Variants in PTPRD observed in about 807,000 individuals in gnomAD.
PTPRD encodes receptor-type tyrosine-protein phosphatase delta.
A neutral mutation model predicts 214.5 loss-of-function variants in PTPRD; 34 were observed. The ratio of observed to expected loss-of-function variants is 0.16; its 90% CI spans 0.12 to 0.21. The LOEUF (loss-of-function observed/expected upper bound fraction) is 0.21. Among genes scored for constraint, PTPRD ranks in the 10% least tolerant of loss-of-function variants. PTPRD has a pLI of 1.00. For synonymous variants in PTPRD, 1,128 were observed against 845.7 expected, an observed-to-expected ratio of 1.33 and a Z score of -5.79; for missense variants, 2,545 against 2,398.7, an observed-to-expected ratio of 1.06 and a Z score of -1.27.
At chr9:10,154,480 G>C (rs773156113) in intron 3 of PTPRD, among the ~76,000 whole-genome samples, 2 of 152,050 alleles carry the variant, frequency 1.3e-5, no homozygotes, top group Non-Finnish European at 2.9e-5. Flanking sequence ...GCTCTCATTT[G>C]TCAATTTTTG....
intron 11 of PTPRD, among the ~76,000 whole-genome samples, chr9:8,910,167 T>A (rs1383915873): frequency 6.6e-6 from 1 of 151,672 alleles, no homozygotes; most frequent in African/African-American, 2.4e-5. Context: ...GCCTCCCGAG[T>A]AGCTGGGACT....
At chr9:8,754,926 C>T (rs1372651421) in intron 11 of PTPRD, among the ~76,000 whole-genome samples, 1 of 151,944 alleles carries the variant, frequency 6.6e-6, no homozygotes, top group Non-Finnish European at 1.5e-5. Context: ...AAAGAGATAA[C>T]CCAGATGGTC....
intron 5 of PTPRD, among the ~76,000 whole-genome samples, chr9:9,778,384 G>T (rs914219988): frequency 5.9e-5 from 9 of 152,154 alleles, no homozygotes; most frequent in Admixed American, 2.6e-4. Context: ...TGGGGAAAAG[G>T]CAGAGACAGG....
At chr9:9,936,197 G>C (rs1181543736) in intron 5 of PTPRD, among the ~76,000 whole-genome samples, 5 of 148,664 alleles carry the variant, frequency 3.4e-5, no homozygotes, top group African/African-American at 7.6e-5. Context: ...AACACCAAAA[G>C]CAATGGCAAC....
chr9:8,497,155 G>A, intron 26 of PTPRD, 87 bp downstream of exon 26: 1 of 1,180,346 alleles, frequency 8.5e-7, no homozygotes, highest in African/African-American at 1.6e-5. Flanking sequence ...AGCAAACTGT[G>A]ATGACAGATC....
chr9:9,226,255 A>G (rs566967238), intron 9 of PTPRD, among the ~76,000 whole-genome samples: 10 of 151,880 alleles, frequency 6.6e-5, no homozygotes, highest in African/African-American at 2.4e-4. Flanking sequence ...TCTCTGTGCA[A>G]AGGGCAAGAC....
intron 3 of PTPRD, among the ~76,000 whole-genome samples, chr9:10,221,785 G>GTTT (rs148340533): frequency 3.4e-5 from 5 of 148,208 alleles, no homozygotes; most frequent in African/African-American, 1.2e-4. Context: ...CTAAAAAACT[G>GTTT]TTTTTTTTTT....
intron 9 of PTPRD, among the ~76,000 whole-genome samples, chr9:9,377,810 C>A (rs1466875897): frequency 6.6e-6 from 1 of 151,964 alleles, no homozygotes; most frequent in African/African-American, 2.4e-5. Flanking sequence ...AGTTGAGACA[C>A]GGCAGGGTCA....
intron 5 of PTPRD, among the ~76,000 whole-genome samples, chr9:9,830,836 C>T (rs1269950029): frequency 6.6e-6 from 1 of 151,864 alleles, no homozygotes. Flanking sequence ...GCCTTGTTTT[C>T]AAAATCTATC....
chr9:8,876,945 T>TTTA (rs2098398125), intron 11 of PTPRD, among the ~76,000 whole-genome samples: 1 of 151,962 alleles, frequency 6.6e-6, no homozygotes, highest in Non-Finnish European at 1.5e-5. Flanking sequence ...TATTTTTTTT[T>TTTA]GAGAGGAAGT....
At chr9:8,922,004 C>T (rs371804574) in intron 11 of PTPRD, among the ~76,000 whole-genome samples, 1 of 152,176 alleles carries the variant, frequency 6.6e-6, no homozygotes, top group Non-Finnish European at 1.5e-5. Context: ...ATCCCAGTCT[C>T]TCTTCACAAA....
intron 7 of PTPRD, among the ~76,000 whole-genome samples, chr9:9,622,697 T>C (rs2095286450): frequency 6.6e-6 from 1 of 152,330 alleles, no homozygotes; most frequent in African/African-American, 2.4e-5. Context: ...ATATTTATAA[T>C]GTTAAAATAA....
At chr9:8,480,669 T>C (rs925275865) in intron 30 of PTPRD, among the ~76,000 whole-genome samples, 8 of 152,186 alleles carry the variant, frequency 5.3e-5, no homozygotes, top group Admixed American at 6.5e-5. Flanking sequence ...TTCTTACATA[T>C]CAATTATATT....
chr9:10,533,452 G>C (rs1458573326), intron 2 of PTPRD, among the ~76,000 whole-genome samples: 2 of 152,012 alleles, frequency 1.3e-5, no homozygotes, highest in African/African-American at 4.8e-5. Flanking sequence ...TACAATCATA[G>C]AGTGGGTATA....
intron 30 of PTPRD, among the ~76,000 whole-genome samples, chr9:8,474,277 C>G (rs1457484985): frequency 6.6e-6 from 1 of 152,146 alleles, no homozygotes; most frequent in Non-Finnish European, 1.5e-5. Context: ...AGTACCTCCC[C>G]CAGCATCTCC....
At chr9:9,197,317 C>T (rs112768506) in intron 9 of PTPRD, among the ~76,000 whole-genome samples, 32 of 152,284 alleles carry the variant, frequency 2.1e-4, no homozygotes, top group South Asian at 4.1e-4. Flanking sequence ...TGTTCTCCTA[C>T]GCTGCAGTGA....
chr9:9,319,742 T>C (rs1231966845), intron 9 of PTPRD, among the ~76,000 whole-genome samples: 1 of 152,130 alleles, frequency 6.6e-6, no homozygotes, highest in African/African-American at 2.4e-5. Flanking sequence ...ATCAAAAGTT[T>C]CTTTAAAATT....
intron 4 of PTPRD, among the ~76,000 whole-genome samples, chr9:9,978,807 A>G (rs572568951): frequency 2.4e-4 from 36 of 152,088 alleles, no homozygotes; most frequent in Non-Finnish European, 4.4e-4. Context: ...CGAAGAGTAC[A>G]GGTACACACT....
intron 39 of PTPRD, among the ~76,000 whole-genome samples, chr9:8,350,950 A>G (rs1191852928): frequency 1.3e-5 from 2 of 152,216 alleles, no homozygotes; most frequent in African/African-American, 4.8e-5. Flanking sequence ...TCTTTGACCC[A>G]GCACCTCCAA....
Sources: gnomAD v4.1 joint callset for allele counts (sites outside exome capture counted in the v4.1 genomes callset) on GRCh38, gnomAD v4.1.1 for gene constraint, MANE v1.5 for transcripts, NCBI Gene and HGNC (gene_info 2026-07-23, HGNC 2026-07-21) for gene names.